FHIT: variants seen among roughly 807,000 people sequenced by gnomAD.
The protein encoded by FHIT is bis(5'-adenosyl)-triphosphatase.
A neutral mutation model predicts 17.9 loss-of-function variants in FHIT; 19 were observed. The ratio of observed to expected loss-of-function variants is 1.06; its 90% CI spans 0.74 to 1.56. FHIT has a LOEUF of 1.56. Among genes scored for constraint, FHIT ranks in the 40% most tolerant of loss-of-function variants. The probability of loss-of-function intolerance (pLI) is 0.00; values close to 1 mark genes in which losing one functional copy is unlikely to be tolerated. For missense variants in FHIT, 248 were observed against 189.2 expected, an observed-to-expected ratio of 1.31 and a Z score of -1.82; for synonymous variants, 81 against 69.7, an observed-to-expected ratio of 1.16 and a Z score of -0.81.
intron 8 of FHIT, among the ~76,000 whole-genome samples, chr3:59,880,352 G>A (rs935383293): frequency 1.7e-4 from 26 of 152,070 alleles, no homozygotes; most frequent in African/African-American, 5.8e-4. Flanking sequence ...AACCTGCCTT[G>A]CCCTTCGGTT....
intron 5 of FHIT, among the ~76,000 whole-genome samples, chr3:60,290,655 T>A (rs905846493): frequency 6.6e-6 from 1 of 152,094 alleles, no homozygotes; most frequent in African/African-American, 2.4e-5. Context: ...TATGAAACCA[T>A]TTTTTTCTAG....
rs141814554 is a variant in FHIT, at chr3:60,191,070, T to C, written c.104-176918A>G. ...AGATAAAGTCTTCCTGATACTTCCTTCTAATTTAAGTGAGGCAGTATCCCA... is the reference window on the plus strand; with the variant it reads ...AGATAAAGTCTTCCTGATACTTCCTCCTAATTTAAGTGAGGCAGTATCCCA... On this transcript the variant is annotated intron_variant, in intron 5 of 9. Transcript: ENST00000492590. Among the ~76,000 whole-genome samples the C allele has an allele frequency of 3.3e-3, 501 of 152,172 alleles. 1 individual carries two copies. Among genetic ancestry groups the C allele is most frequent in the African/African-American group, 0.011 (472 of 41,534 alleles).
At chr3:60,856,085 C>A (rs1303592040) in intron 3 of FHIT, among the ~76,000 whole-genome samples, 1 of 152,104 alleles carries the variant, frequency 6.6e-6, no homozygotes, top group Non-Finnish European at 1.5e-5. Context: ...CCATTCCCAA[C>A]ATGTTATTTA....
chr3:61,072,077 T>C (rs992058983), intron 2 of FHIT, among the ~76,000 whole-genome samples: 3 of 152,156 alleles, frequency 2.0e-5, no homozygotes, highest in Non-Finnish European at 4.4e-5. Context: ...TGGATTCAAA[T>C]CCCAGCTCTT....
chr3:60,978,245 G>A (rs532188929), intron 3 of FHIT, among the ~76,000 whole-genome samples: 16 of 152,288 alleles, frequency 1.1e-4, no homozygotes, highest in East Asian at 7.7e-4. Flanking sequence ...GAACTTTAAC[G>A]TGGCTACAGA....
chr3:60,881,957 A>G (rs1009026111), intron 3 of FHIT, among the ~76,000 whole-genome samples: 1 of 152,050 alleles, frequency 6.6e-6, no homozygotes. Context: ...TCAATTTTTA[A>G]AACTTTTTTT....
chr3:60,718,844 T>C (rs922917441), intron 4 of FHIT, among the ~76,000 whole-genome samples: 3 of 152,220 alleles, frequency 2.0e-5, no homozygotes, highest in Non-Finnish European at 2.9e-5. Flanking sequence ...TCTGTACTAA[T>C]GTGCATTACA....
At chr3:60,579,478 G>T in intron 4 of FHIT, among the ~76,000 whole-genome samples, 1 of 152,104 alleles carries the variant, frequency 6.6e-6, no homozygotes, top group East Asian at 1.9e-4. Flanking sequence ...AAAATAAAGT[G>T]TATGTTGACT....
chr3:60,105,171 C>T (rs931350573), intron 5 of FHIT, among the ~76,000 whole-genome samples: 21 of 152,214 alleles, frequency 1.4e-4, no homozygotes, highest in African/African-American at 4.8e-4. Flanking sequence ...CTCCAGGATA[C>T]GGCTTCACTT....
rs79671643 is a variant in FHIT at position 60,046,956 on chromosome 3, A to G, written c.104-32804T>C. ...TGCGATTTTAGGAAATCAAGTATAT[A>G]AACAGGGCTATTCTCAGCACATCCA... On this transcript the variant is annotated intron_variant, in intron 5 of 9. Coordinates refer to ENST00000492590, the MANE Select transcript of FHIT (RefSeq NM_002012.4). Among the ~76,000 whole-genome samples, 1,279 of 152,330 alleles carry G rather than the reference A, an allele frequency of 8.4e-3. 16 individuals carry two copies. Among genetic ancestry groups the G allele is most frequent in the African/African-American group, 0.029 (1,192 of 41,576 alleles).
At chr3:59,774,012 A>T (rs139927402) in intron 8 of FHIT, among the ~76,000 whole-genome samples, 2 of 152,210 alleles carry the variant, frequency 1.3e-5, no homozygotes, top group Admixed American at 6.5e-5. Flanking sequence ...AAATATTACA[A>T]TTAATTTTAT....
At chr3:61,183,030 G>T (rs1301110613) in intron 2 of FHIT, among the ~76,000 whole-genome samples, 1 of 152,180 alleles carries the variant, frequency 6.6e-6, no homozygotes, top group African/African-American at 2.4e-5. Flanking sequence ...CAGTCCCTGT[G>T]CTGAGATACA....
intron 5 of FHIT, among the ~76,000 whole-genome samples, chr3:60,078,192 C>G (rs1206210394): frequency 6.6e-6 from 1 of 151,938 alleles, no homozygotes; most frequent in East Asian, 1.9e-4. Flanking sequence ...AAGTATATTC[C>G]TATAAGATAC....
At chr3:61,009,459 C>T (rs1435172574) in intron 3 of FHIT, among the ~76,000 whole-genome samples, 1 of 152,082 alleles carries the variant, frequency 6.6e-6, no homozygotes. Flanking sequence ...AAACTGATGC[C>T]TTAGTGAAAG....
chr3:60,398,879 T>C (rs1701557772), intron 5 of FHIT, among the ~76,000 whole-genome samples: 2 of 9,158 alleles, frequency 2.2e-4, no homozygotes, highest in Admixed American at 4.5e-3. Context: ...GAAAATGTTT[T>C]AAAAATAATA....
intron 2 of FHIT, among the ~76,000 whole-genome samples, chr3:61,197,377 A>G (rs2038881742): frequency 6.6e-6 from 1 of 152,158 alleles, no homozygotes; most frequent in Admixed American, 6.5e-5. Flanking sequence ...ACTAGAAGGA[A>G]TGTTTCCTAA....
At chr3:60,143,692 C>A (rs918582308) in intron 5 of FHIT, among the ~76,000 whole-genome samples, 3 of 151,904 alleles carry the variant, frequency 2.0e-5, no homozygotes, top group Admixed American at 6.6e-5. Flanking sequence ...ATAAGTCAAA[C>A]AGTATGCCTT....
At chr3:60,973,943 C>T (rs997355324) in intron 3 of FHIT, among the ~76,000 whole-genome samples, 1 of 152,154 alleles carries the variant, frequency 6.6e-6, no homozygotes, top group African/African-American at 2.4e-5. Context: ...AAAAATAGCA[C>T]CTGCATTCTG....
intron 8 of FHIT, among the ~76,000 whole-genome samples, chr3:59,775,889 A>G (rs889360414): frequency 6.6e-6 from 1 of 152,206 alleles, no homozygotes; most frequent in Admixed American, 6.5e-5. Flanking sequence ...TCATTTCTCA[A>G]GTGGTGAGCG....
Sources: gnomAD v4.1 joint callset for allele counts (sites outside exome capture counted in the v4.1 genomes callset) on GRCh38, gnomAD v4.1.1 for gene constraint, MANE v1.5 for transcripts, NCBI Gene and HGNC (gene_info 2026-07-23, HGNC 2026-07-21) for gene names.